Variants in KLHL14 observed in about 807,000 individuals in gnomAD.
KLHL14 encodes the protein kelch like family member 14.
In KLHL14, 22 loss-of-function variants were observed where a neutral mutation model predicts 64.3. That is an observed-to-expected ratio of 0.34 (90% confidence interval 0.24 to 0.49). The LOEUF is 0.49. KLHL14 is among the 20% of genes least tolerant of loss of function. The pLI is 0.99. For synonymous variants in KLHL14, 322 were observed against 333.4 expected, an observed-to-expected ratio of 0.97 and a Z score of 0.37; for missense variants, 661 against 789.0, an observed-to-expected ratio of 0.84 and a Z score of 1.94.
chr18:32,767,640 G>A (rs2050353983), intron 2 of KLHL14, among the ~76,000 whole-genome samples: 1 of 152,184 alleles, frequency 6.6e-6, no homozygotes, highest in South Asian at 2.1e-4. Context: ...CCAGGACAGA[G>A]CCAGCAGGCA....
intron 5 of KLHL14, among the ~76,000 whole-genome samples, chr18:32,684,265 C>T (rs1204963070): frequency 2.6e-5 from 4 of 152,130 alleles, no homozygotes; most frequent in African/African-American, 9.7e-5. Context: ...AATTCATAGC[C>T]AGCAGGCATG....
chr18:32,695,080 C>T (rs771246517), intron 4 of KLHL14, among the ~76,000 whole-genome samples: 2 of 152,106 alleles, frequency 1.3e-5, no homozygotes, highest in Non-Finnish European at 2.9e-5. Context: ...TTGCAACCCA[C>T]GTTATTATAT....
At chr18:32,731,984 G>C (rs2050139275) in intron 3 of KLHL14, among the ~76,000 whole-genome samples, 1 of 152,112 alleles carries the variant, frequency 6.6e-6, no homozygotes, top group South Asian at 2.1e-4. Flanking sequence ...ACTTTGGGAG[G>C]CCGAGGCGGG....
chr18:32,701,130 A>G lies in KLHL14; in HGVS notation c.1070-5578T>C, dbSNP rs542021778. ...CTGCACAGTATTCCATTTGATGGGCATTCTATAATTGATTCCATTTCCTTC... is the reference window on the plus strand; with the variant it reads ...CTGCACAGTATTCCATTTGATGGGCGTTCTATAATTGATTCCATTTCCTTC... On this transcript the variant is annotated intron_variant, in intron 3 of 8. Transcript: ENST00000359358. 2.0e-5 allele frequency among the ~76,000 whole-genome samples: 3 copies of G among 152,298 alleles called. No homozygotes were observed. The South Asian group carries it at 6.2e-4, about 32-fold the overall frequency.
chr18:32,693,407 CACACACAGAG>C (rs1344728984), intron 4 of KLHL14, among the ~76,000 whole-genome samples: 116 of 119,872 alleles, frequency 9.7e-4, no homozygotes, highest in African/African-American at 3.7e-3. Context: ...CACACACACA[CACACACAGAG>C]AGAGAGAGAG....
chr18:32,740,947 T>C (rs1237805292), intron 3 of KLHL14: 1 of 152,218 alleles, frequency 6.6e-6, no homozygotes, highest in Non-Finnish European at 1.5e-5. Context: ...GTCCAGTTTC[T>C]ATTATTTTAA....
At position 32,770,485 on chromosome 18, in the gene KLHL14, G is replaced by A. The variant is rs201853926; in HGVS notation, c.107C>T (p.Thr36Ile). The stretch of plus-strand genomic sequence containing the variant: ...GAACTGCTGGCCCTGGGCCGTCAGG[G>A]TCACGTCGCAAAACAGCTGCTTCCT... Reference protein sequence around the residue: ...LWRKQLFCDVTLTAQGQQFHC... With the variant: ...LWRKQLFCDVILTAQGQQFHC... The change falls in exon 2 of 9, where the codon ACC becomes ATC. Residue 36 changes from threonine to isoleucine, a missense_variant. By Grantham distance (89) the Thr-to-Ile change is moderately conservative. Around this residue, in one of 2 missense-constraint regions of KLHL14, gnomAD observed 331 missense variants for 339.0 expected, o/e 0.98. Coordinates refer to ENST00000359358, the MANE Select transcript of KLHL14 (RefSeq NM_020805.3). The surrounding 1 kb of genome is among the most constrained non-coding windows in gnomAD (Gnocchi z 6.7). The A allele has an allele frequency of 3.4e-5, 55 of 1,612,178 alleles. No homozygotes were observed. Among genetic ancestry groups the A allele is most frequent in the African/African-American group, 8.0e-5 (6 of 74,830 alleles).
chr18:32,733,990 C>A (rs541773078), intron 3 of KLHL14: 4 of 590,300 alleles, frequency 6.8e-6, no homozygotes, highest in Non-Finnish European at 9.1e-6. Context: ...AGTCTCAAAT[C>A]AGCTTGATGT....
At chr18:32,690,366 A>G (rs2049901363) in intron 4 of KLHL14, among the ~76,000 whole-genome samples, 1 of 152,150 alleles carries the variant, frequency 6.6e-6, no homozygotes, top group Non-Finnish European at 1.5e-5. Context: ...AATATAAAGT[A>G]TGTGGGGGAA....
intron 2 of KLHL14, among the ~76,000 whole-genome samples, chr18:32,755,148 C>G (rs758705740): frequency 6.6e-6 from 1 of 152,008 alleles, no homozygotes; most frequent in Non-Finnish European, 1.5e-5. Context: ...TATCACCAAC[C>G]CTCGAGGGAC....
chr18:32,707,701 CA>C (rs1308035067), intron 3 of KLHL14, among the ~76,000 whole-genome samples: 1 of 152,146 alleles, frequency 6.6e-6, no homozygotes, highest in Non-Finnish European at 1.5e-5. Context: ...GTGTTGTCAC[CA>C]TTCGATGCTG....
chr18:32,703,098 G>A (rs2049974401), intron 3 of KLHL14, among the ~76,000 whole-genome samples: 2 of 152,118 alleles, frequency 1.3e-5, no homozygotes, highest in Admixed American at 1.3e-4. Flanking sequence ...TGTATTAAAA[G>A]GCTTGTCTTT....
chr18:32,680,172 T>G lies in KLHL14; in HGVS notation c.1585A>C (p.Lys529Gln), dbSNP rs1240095405. ...AACAAAACAACAAAAAAAAGACCTT[T>G]CAAATGATTTCCTCCAATTGCATAC... ...RLYAIGGNHL[K>Q]GFSHLDVMLV... The change falls in exon 7 of 9, where the codon AAA becomes CAA. Residue 529 changes from lysine to glutamine, a missense_variant. Coordinates refer to ENST00000359358, the MANE Select transcript of KLHL14 (RefSeq NM_020805.3). The surrounding 1 kb of genome is among the most constrained non-coding windows in gnomAD (Gnocchi z 4.8). 1 of 1,613,078 alleles carries G rather than the reference T, an allele frequency of 6.2e-7. No homozygotes were observed. The highest frequency in any genetic ancestry group is 2.2e-5 in the East Asian group (1 of 44,824).
chr18:32,709,381 GC>G (rs1469178253), intron 3 of KLHL14, among the ~76,000 whole-genome samples: 1 of 152,046 alleles, frequency 6.6e-6, no homozygotes, highest in Non-Finnish European at 1.5e-5. Flanking sequence ...CATTTAGAAA[GC>G]CCTTCCCTAT....
intron 3 of KLHL14, among the ~76,000 whole-genome samples, chr18:32,701,332 G>A (rs2049965398): frequency 6.6e-6 from 1 of 152,194 alleles, no homozygotes; most frequent in African/African-American, 2.4e-5. Flanking sequence ...GCACAGCCAG[G>A]TGATGACAGA....
intron 3 of KLHL14, chr18:32,733,884 G>A (rs2050149476): frequency 2.6e-6 from 1 of 382,908 alleles, no homozygotes. Flanking sequence ...AAATGAACGT[G>A]TTTACTGGGG....
At chr18:32,675,771 T>A (rs1249642834) in intron 8 of KLHL14, among the ~76,000 whole-genome samples, 1 of 152,190 alleles carries the variant, frequency 6.6e-6, no homozygotes, top group Non-Finnish European at 1.5e-5. Flanking sequence ...AATGCCCCAA[T>A]GTCTGCTTCC....
Position 32,680,384 on chromosome 18 carries a change from AAC to A in KLHL14, c.1429+23_1429+24del. On this transcript the variant is annotated intron_variant, in intron 6 of 8. Coordinates refer to ENST00000359358, the MANE Select transcript of KLHL14 (RefSeq NM_020805.3). The surrounding 1 kb of genome is among the most constrained non-coding windows in gnomAD (Gnocchi z 4.8). ...AGAGTGCTTTGGAACTGAACTTTGT[AAC>A]AGAAAGTGGAGGAATTACTTGCCTG... 6.2e-7 allele frequency: 1 copy of A among 1,613,658 alleles called. No individual in the cohort carries two copies. Among genetic ancestry groups the A allele is most frequent in the Non-Finnish European group, 8.5e-7 (1 of 1,179,648 alleles).
At chr18:32,747,595 T>C (rs1033898440) in intron 2 of KLHL14, among the ~76,000 whole-genome samples, 3 of 152,170 alleles carry the variant, frequency 2.0e-5, no homozygotes, top group African/African-American at 7.2e-5. Context: ...ATGCAAGTGA[T>C]AGAGAGCAGC....
Sources: gnomAD v4.1 joint callset for allele counts (sites outside exome capture counted in the v4.1 genomes callset) on GRCh38, gnomAD v4.1.1 for gene constraint, gnomAD v4.1.1 regional missense constraint, Gnocchi (gnomAD v3.1) non-coding constraint, MANE v1.5 for transcripts, NCBI Gene and HGNC (gene_info 2026-07-23, HGNC 2026-07-21) for gene names.